The following FAM3D variants were observed in gnomAD, a reference collection of about 807,000 sequenced individuals.
FAM3D encodes the protein FAM3 metabolism regulating signaling molecule D, also known as protein FAM3D.
A neutral mutation model predicts 29.8 loss-of-function variants in FAM3D; 26 were observed. The ratio of observed to expected loss-of-function variants is 0.87; its 90% CI spans 0.64 to 1.21. The LOEUF is 1.21. FAM3D is among the 50% of genes most tolerant of loss of function. The pLI, the probability that FAM3D is intolerant of heterozygous loss-of-function variation, is 0.00. For missense variants in FAM3D, 253 were observed against 290.9 expected (o/e 0.87, Z 0.95); for synonymous variants, 115 against 102.3 (o/e 1.12, Z -0.75).
chr3:58,639,716 T>G (rs1559496448), intron 7 of FAM3D, among the ~76,000 whole-genome samples: 1 of 152,144 alleles, frequency 6.6e-6, no homozygotes, highest in African/African-American at 2.4e-5. Flanking sequence ...GTAAGAGACC[T>G]GCGTGGGCCC....
At chr3:58,649,104 A>T (rs866244557) in intron 4 of FAM3D, among the ~76,000 whole-genome samples, 1 of 152,076 alleles carries the variant, frequency 6.6e-6, no homozygotes, top group African/African-American at 2.4e-5. Flanking sequence ...AATGACTGAG[A>T]GGGGGGCCAC....
At chr3:58,656,740 G>T (rs1035371007) in intron 1 of FAM3D, among the ~76,000 whole-genome samples, 1 of 152,150 alleles carries the variant, frequency 6.6e-6, no homozygotes, top group Non-Finnish European at 1.5e-5. Context: ...AACAGACATG[G>T]TCTCCAAAGT....
rs775846327 is a variant in FAM3D at position 58,650,038 on chromosome 3, A to G, written c.122-700T>C. ...TCTTTCCTGACTGCCCACAGTGCATATTGTCTGCACTGGCTCTAGGGCCCT... is the reference window on the plus strand; with the variant it reads ...TCTTTCCTGACTGCCCACAGTGCATGTTGTCTGCACTGGCTCTAGGGCCCT... On this transcript the variant is annotated intron_variant, in intron 3 of 9. Coordinates refer to ENST00000358781, the MANE Select transcript of FAM3D (RefSeq NM_138805.3). Among the ~76,000 whole-genome samples the G allele has an allele frequency of 9.9e-5, 15 of 152,166 alleles. 1 individual carries two copies. The highest frequency in any genetic ancestry group is 7.2e-4 in the Admixed American group (11 of 15,290).
chr3:58,635,907 AG>A lies in FAM3D; in HGVS notation c.585+386del, dbSNP rs1215333354. Among the ~76,000 whole-genome samples the A allele has an allele frequency of 2.6e-5, 4 of 152,098 alleles. No individual in the cohort carries two copies. ...CTCCTCGTTTTCTCCATGCCTCGCC[AG>A]GGAGGCTGAAGGGATGGGGACAGGC... On this transcript the variant is annotated intron_variant, in intron 9 of 9. Coordinates refer to ENST00000358781, the MANE Select transcript of FAM3D (RefSeq NM_138805.3). The surrounding 1 kb of genome is among the most constrained non-coding windows in gnomAD (Gnocchi z 5.2).
intron 4 of FAM3D, among the ~76,000 whole-genome samples, chr3:58,646,540 G>A (rs774931469): frequency 6.6e-6 from 1 of 152,202 alleles, no homozygotes; most frequent in African/African-American, 2.4e-5. Context: ...TCATCCTAAT[G>A]TGTGCTTTTT....
chr3:58,645,421 A>G (rs955888267), intron 5 of FAM3D, 88 bp downstream of exon 5: 37 of 1,055,134 alleles, frequency 3.5e-5, no homozygotes, highest in Non-Finnish European at 4.9e-5. Context: ...CTCACAGGCC[A>G]GCCCCTGCAG....
intron 4 of FAM3D, among the ~76,000 whole-genome samples, chr3:58,647,450 C>T (rs760564569): frequency 6.6e-6 from 1 of 152,192 alleles, no homozygotes; most frequent in Admixed American, 6.5e-5. Context: ...AGCCTTGGGG[C>T]CCCACCTCCA....
chr3:58,649,828 T>A (rs1425400173), intron 3 of FAM3D, among the ~76,000 whole-genome samples: 2 of 152,112 alleles, frequency 1.3e-5, no homozygotes, highest in African/African-American at 4.8e-5. Flanking sequence ...ACATTTAACC[T>A]CCCTGGGCCT....
Position 58,645,580 on chromosome 3 carries a change from G to A in FAM3D, c.192C>T (p.Asn64=), listed in dbSNP as rs1317333003. The A allele has an allele frequency of 6.2e-7, 1 of 1,614,258 alleles. No individual in the cohort carries two copies. Among genetic ancestry groups the A allele is most frequent in the Non-Finnish European group, 8.5e-7 (1 of 1,180,046 alleles). ...CACTGCAGATTTTAAACGCAAAGTA[G>A]TTGGCTGGGCAGGGCTTGATGAGGC... The part of the protein sequence containing the change: ...KCGLIKPCPA[N]YFAFKICSGA... Residue 64 remains asparagine, a synonymous_variant, in exon 5 of 10, where the codon AAC becomes AAT. Coordinates refer to ENST00000358781, the MANE Select transcript of FAM3D (RefSeq NM_138805.3).
chr3:58,646,072 C>A (rs755261300), intron 4 of FAM3D, among the ~76,000 whole-genome samples: 2 of 152,202 alleles, frequency 1.3e-5, no homozygotes, highest in Non-Finnish European at 2.9e-5. Flanking sequence ...TGGGCAAATT[C>A]TCAACCTCCT....
chr3:58,649,287 G>A (rs1171601481), intron 4 of FAM3D, 28 bp downstream of exon 4: 3 of 1,611,866 alleles, frequency 1.9e-6, no homozygotes, highest in Non-Finnish European at 1.7e-6. Context: ...TGAGGTCGGG[G>A]GAGGTGTGGG....
At position 58,646,460 on chromosome 3, in the gene FAM3D, C is replaced by T. The variant is rs578035543; in HGVS notation, c.146-834G>A. ...GGTGGGACCTAAAGATGTGGCTGAG[C>T]GGCTGAGCCCTCAACGTGCTCTGTG... On this transcript the variant is annotated intron_variant, in intron 4 of 9. Transcript: ENST00000358781. Among the ~76,000 whole-genome samples, 5 of 152,326 alleles carry T rather than the reference C, an allele frequency of 3.3e-5. No homozygotes were observed. In the South Asian group the frequency reaches 6.2e-4, roughly 19 times the overall value.
chr3:58,661,400 C>T (rs1292018424), intron 1 of FAM3D, among the ~76,000 whole-genome samples: 1 of 152,212 alleles, frequency 6.6e-6, no homozygotes, highest in Non-Finnish European at 1.5e-5. Context: ...TCCATGAGCT[C>T]TGCTTTCTTG....
chr3:58,647,117 G>A (rs1559501297), intron 4 of FAM3D, among the ~76,000 whole-genome samples: 1 of 152,204 alleles, frequency 6.6e-6, no homozygotes, highest in Non-Finnish European at 1.5e-5. Context: ...GGCAACCCTG[G>A]GAATCTGAGA....
chr3:58,656,277 T>C (rs1211934450), intron 1 of FAM3D, among the ~76,000 whole-genome samples: 1 of 152,178 alleles, frequency 6.6e-6, no homozygotes, highest in Non-Finnish European at 1.5e-5. Context: ...ACCCCCATGT[T>C]AGGGATGAGT....
chr3:58,640,750 T>G (rs1209920906), intron 6 of FAM3D, among the ~76,000 whole-genome samples: 1 of 152,216 alleles, frequency 6.6e-6, no homozygotes, highest in Non-Finnish European at 1.5e-5. Context: ...GGCCAAGCCC[T>G]CCAGGGAACC....
At chr3:58,646,467 G>A (rs1308398871) in intron 4 of FAM3D, among the ~76,000 whole-genome samples, 1 of 152,238 alleles carries the variant, frequency 6.6e-6, no homozygotes, top group Admixed American at 6.5e-5. Context: ...GAGCGGCTGA[G>A]CCCTCAACGT....
Position 58,655,675 on chromosome 3 carries a change from G to T in FAM3D, c.-38-74C>A, listed in dbSNP as rs1575489818. Reference sequence around the variant, plus strand: ...TGATCAAGCCTGAAGATGAGGGAAAGGGACCTCTAACTGTGGAGATCATAA... The same window carrying T: ...TGATCAAGCCTGAAGATGAGGGAAATGGACCTCTAACTGTGGAGATCATAA... On this transcript the variant is annotated intron_variant, in intron 1 of 9. Transcript: ENST00000358781. 4 of 1,244,590 alleles carry T rather than the reference G, an allele frequency of 3.2e-6. No individual in the cohort carries two copies. In the East Asian group the frequency reaches 9.7e-5, roughly 30 times the overall value. 77.1% of individuals were successfully genotyped at this position (1,244,590 alleles called of 1,614,324 possible).
chr3:58,656,969 A>T (rs1358416638), intron 1 of FAM3D, among the ~76,000 whole-genome samples: 1 of 152,196 alleles, frequency 6.6e-6, no homozygotes, highest in East Asian at 1.9e-4. Flanking sequence ...GAATTGTAAC[A>T]GTCCTCCCAC....
Sources: gnomAD v4.1 joint callset for allele counts (sites outside exome capture counted in the v4.1 genomes callset) on GRCh38, gnomAD v4.1.1 for gene constraint, Gnocchi (gnomAD v3.1) non-coding constraint, MANE v1.5 for transcripts, NCBI Gene and HGNC (gene_info 2026-07-23, HGNC 2026-07-21) for gene names.